CACNA1E: variants seen among roughly 807,000 people sequenced by gnomAD.
The protein encoded by CACNA1E is voltage-dependent R-type calcium channel subunit alpha-1E.
Under a neutral mutation model 259.2 loss-of-function variants are expected in CACNA1E, and 40 were observed. The ratio of observed to expected loss-of-function variants is 0.15; its 90% CI spans 0.12 to 0.20. CACNA1E has a LOEUF of 0.20. CACNA1E is among the 10% of genes least tolerant of loss of function. The probability of loss-of-function intolerance (pLI) is 1.00; values close to 1 mark genes in which losing one functional copy is unlikely to be tolerated. For synonymous variants in CACNA1E, 1,104 were observed against 1,138.5 expected (o/e 0.97, Z 0.61); for missense variants, 1,874 against 3,040.1 (o/e 0.62, Z 9.02).
At chr1:181,484,776 C>T (rs1234136345) in intron 1 of CACNA1E, among the ~76,000 whole-genome samples, 1 of 152,192 alleles carries the variant, frequency 6.6e-6, no homozygotes, top group Non-Finnish European at 1.5e-5. Context: ...GATTGCTCTC[C>T]CAGTATCCAG....
Position 181,389,643 on chromosome 1 carries a change from C to A in CACNA1E, c.-14-23490C>A, listed in dbSNP as rs578182489. Among the ~76,000 whole-genome samples, 9 of 152,306 alleles carry A rather than the reference C, an allele frequency of 5.9e-5. 1 individual carries two copies. The East Asian group carries it at 1.7e-3, about 29-fold the overall frequency. ...GTCGCAGGGAGGTCCCAGGTAGTGG[C>A]TTGTGTCTGTGTGTGTTTTACTTTT... is the stretch of plus-strand genomic sequence containing the variant. On this transcript the variant is annotated intron_variant, in intron 1 of 11. Coordinates refer to the CACNA1E transcript ENST00000524607.
At chr1:181,615,349 C>T (rs150638264) in intron 6 of CACNA1E, among the ~76,000 whole-genome samples, 1 of 152,218 alleles carries the variant, frequency 6.6e-6, no homozygotes, top group African/African-American at 2.4e-5. Flanking sequence ...GCCACCACGC[C>T]TGGCTAATTT....
At chr1:181,643,469 C>T (rs914808738) in intron 6 of CACNA1E, among the ~76,000 whole-genome samples, 3 of 152,220 alleles carry the variant, frequency 2.0e-5, no homozygotes, top group African/African-American at 7.2e-5. Context: ...GCTCTTTGCT[C>T]TTGAATTGTC....
At chr1:181,775,001 C>T (rs1249712825) in intron 37 of CACNA1E, among the ~76,000 whole-genome samples, 4 of 152,200 alleles carry the variant, frequency 2.6e-5, no homozygotes, top group Admixed American at 6.5e-5. Flanking sequence ...GTCCAGGTTT[C>T]TCTCTATTTA....
intron 34 of CACNA1E, among the ~76,000 whole-genome samples, chr1:181,764,694 A>G (rs972849520): frequency 3.9e-5 from 6 of 152,230 alleles, no homozygotes; most frequent in Non-Finnish European, 7.3e-5. Flanking sequence ...AAAGTTAGAT[A>G]TGGAGGATAA....
Position 181,799,053 on chromosome 1 carries a change from G to T in CACNA1E, c.*219G>T. 1 of 439,762 alleles carries T rather than the reference G, an allele frequency of 2.3e-6. No individual in the cohort carries two copies. The highest frequency in any genetic ancestry group is 4.0e-6 in the Non-Finnish European group (1 of 251,994). 27.2% of individuals were successfully genotyped at this position (439,762 alleles called of 1,614,324 possible). A position where few individuals can be genotyped will look rare whatever the true frequency, so the allele number is the denominator to read the frequency against. On this transcript the variant is annotated 3_prime_UTR_variant, in exon 48 of 48. Coordinates refer to ENST00000367573, the MANE Select transcript of CACNA1E (RefSeq NM_001205293.3). ...GCAAGATGGGCACTGCCATAGTTCTGCCTCTTTGCTGGGGAAAGAAACCAG... is the reference window on the plus strand; with the variant it reads ...GCAAGATGGGCACTGCCATAGTTCTTCCTCTTTGCTGGGGAAAGAAACCAG...
At chr1:181,618,604 G>A (rs1392290077) in intron 6 of CACNA1E, among the ~76,000 whole-genome samples, 3 of 152,118 alleles carry the variant, frequency 2.0e-5, no homozygotes, top group African/African-American at 7.2e-5. Context: ...TGAGTCCTTT[G>A]TCCTTCAGTA....
chr1:181,420,739 C>T (rs1212290667), intron 2 of CACNA1E, among the ~76,000 whole-genome samples: 1 of 152,116 alleles, frequency 6.6e-6, no homozygotes, highest in Non-Finnish European at 1.5e-5. Context: ...TTGTATGGCA[C>T]TATTATTGCA....
chr1:181,470,911 C>T (rs1037940862), intron 2 of CACNA1E, among the ~76,000 whole-genome samples: 1 of 152,188 alleles, frequency 6.6e-6, no homozygotes, highest in Admixed American at 6.5e-5. Context: ...TTGTCTTGGT[C>T]TGTTTTTGCT....
chr1:181,751,510 A>G lies in CACNA1E; in HGVS notation c.3732-633A>G, dbSNP rs893792058. ...GCCAAGGTCCTAGCTAGAAGCCTGC[A>G]TGACATGCTTTCTCTGGAACACGTG... is the stretch of plus-strand genomic sequence containing the variant. On this transcript the variant is annotated intron_variant, in intron 26 of 47. Transcript: ENST00000367573. Among the ~76,000 whole-genome samples, 8 of 152,332 alleles carry G rather than the reference A, an allele frequency of 5.3e-5. No homozygotes were observed. The East Asian group carries it at 1.4e-3, about 26-fold the overall frequency.
chr1:181,482,618 G>GCCTCTGCGCGCCGCTCGCTGT (rs1261247347), upstream of CACNA1E, among the ~76,000 whole-genome samples: 7 of 152,220 alleles, frequency 4.6e-5, no homozygotes, highest in Non-Finnish European at 7.4e-5. Flanking sequence ...GCCTCGCTGC[G>GCCTCTGCGCGCCGCTCGCTGT]CCTCTGCGCG....
At chr1:181,561,351 CTG>C (rs1211180349) in intron 3 of CACNA1E, among the ~76,000 whole-genome samples, 2 of 152,152 alleles carry the variant, frequency 1.3e-5, no homozygotes, top group East Asian at 1.9e-4. Flanking sequence ...ATATACAACT[CTG>C]TGTTTTGACA....
chr1:181,329,628 G>C (rs1050652258), intron 1 of CACNA1E, among the ~76,000 whole-genome samples: 10 of 152,036 alleles, frequency 6.6e-5, no homozygotes, highest in African/African-American at 2.4e-4. Flanking sequence ...CCTATTCATT[G>C]TTCAGTTCTT....
chr1:181,570,565 A>C (rs1041314005), intron 3 of CACNA1E, among the ~76,000 whole-genome samples: 1 of 152,178 alleles, frequency 6.6e-6, no homozygotes, highest in African/African-American at 2.4e-5. Context: ...CTAGGCTAAA[A>C]TCCAGGGTTG....
At chr1:181,375,317 TTATGCTTA>T (rs1390421490) in intron 1 of CACNA1E, among the ~76,000 whole-genome samples, 7 of 152,314 alleles carry the variant, frequency 4.6e-5, no homozygotes, top group Non-Finnish European at 8.8e-5. Context: ...AATGTGCACA[TTATGCTTA>T]TCATGCAGGT....
intron 2 of CACNA1E, among the ~76,000 whole-genome samples, chr1:181,454,569 G>A (rs1355507647): frequency 2.6e-5 from 4 of 152,192 alleles, no homozygotes; most frequent in Non-Finnish European, 5.9e-5. Flanking sequence ...GAGTTTGGGA[G>A]CATTCATGAA....
chr1:181,427,533 A>C (rs1376308354), intron 2 of CACNA1E, among the ~76,000 whole-genome samples: 6 of 121,890 alleles, frequency 4.9e-5, no homozygotes, highest in Admixed American at 2.5e-4. Flanking sequence ...CTCCTCCTCC[A>C]TCTCAACCCC....
At chr1:181,343,738 A>G (rs1480795869) in intron 1 of CACNA1E, among the ~76,000 whole-genome samples, 1 of 152,182 alleles carries the variant, frequency 6.6e-6, no homozygotes, top group African/African-American at 2.4e-5. Context: ...GGCCCCTTGC[A>G]TTGCATCCTT....
Position 181,804,888 on chromosome 1 carries a change from C to G in CACNA1E, c.*6054C>G, listed in dbSNP as rs1662519552. 1 of 150,266 alleles carries G rather than the reference C, an allele frequency of 6.7e-6. No homozygotes were observed. Among genetic ancestry groups the G allele is most frequent in the Non-Finnish European group, 1.5e-5 (1 of 67,632 alleles). The allele number at this position is 150,266 out of a possible 1,614,324, so 9.3% of individuals were successfully genotyped here. A position where few individuals can be genotyped will look rare whatever the true frequency, so the allele number is the denominator to read the frequency against. ...TTTGCTTTAATTTCACTCTATTCTT[C>G]CCATTTTCCCTTATTCTTCTTGTTG... On this transcript the variant is annotated 3_prime_UTR_variant, in exon 48 of 48. Coordinates refer to ENST00000367573, the MANE Select transcript of CACNA1E (RefSeq NM_001205293.3).
Sources: gnomAD v4.1 joint callset for allele counts (sites outside exome capture counted in the v4.1 genomes callset) on GRCh38, gnomAD v4.1.1 for gene constraint, MANE v1.5 for transcripts, NCBI Gene and HGNC (gene_info 2026-07-23, HGNC 2026-07-21) for gene names.